The following SMAD5 variants were observed in gnomAD, a reference collection of about 807,000 sequenced individuals.
The protein encoded by SMAD5 is MAD, mothers against decapentaplegic homolog 5.
SMAD5 carries 9 observed loss-of-function variants against 43.1 expected under a neutral mutation model. The ratio of observed to expected loss-of-function variants is 0.21; its 90% confidence interval spans 0.13 to 0.36. The LOEUF (loss-of-function observed/expected upper bound fraction) is 0.36. Ranked by LOEUF, SMAD5 falls within the 10% of genes least tolerant of loss-of-function variation. The pLI is 1.00. For synonymous variants in SMAD5, 190 were observed against 192.4 expected, an observed-to-expected ratio of 0.99 and a Z score of 0.10; for missense variants, 348 against 574.0, an observed-to-expected ratio of 0.61 and a Z score of 4.02.
chr5:136,172,372 C>A, intron 5 of SMAD5, 62 bp from the exon 6 acceptor site: 3 of 979,930 alleles, frequency 3.1e-6, no homozygotes, highest in Admixed American at 2.5e-5. Context: ...AAAAGATAAA[C>A]ACATGGACAA....
At chr5:136,156,897 G>A (rs553625629) in intron 3 of SMAD5, among the ~76,000 whole-genome samples, 22 of 152,038 alleles carry the variant, frequency 1.4e-4, no homozygotes, top group Non-Finnish European at 1.8e-4. Flanking sequence ...CTCATGTTTC[G>A]CCCTGAGCCC....
intron 1 of SMAD5, among the ~76,000 whole-genome samples, chr5:136,143,439 A>C (rs1753156408): frequency 6.6e-6 from 1 of 151,058 alleles, no homozygotes; most frequent in South Asian, 2.1e-4. Context: ...CTTAGATAGA[A>C]CTCTACACGG....
intron 1 of SMAD5, among the ~76,000 whole-genome samples, chr5:136,147,061 A>T (rs1753281987): frequency 6.6e-6 from 1 of 151,702 alleles, no homozygotes; most frequent in Non-Finnish European, 1.5e-5. Flanking sequence ...AGGTGAGTAT[A>T]CTTAGGAAAA....
chr5:136,134,603 CTTTGGTAACT>C (rs980931446), intron 1 of SMAD5: 5 of 151,524 alleles, frequency 3.3e-5, no homozygotes, highest in African/African-American at 1.2e-4. Flanking sequence ...TCTTTTATTC[CTTTGGTAACT>C]ATTAATATTT....
intron 5 of SMAD5, among the ~76,000 whole-genome samples, chr5:136,171,311 G>GA (rs1386750633): frequency 6.6e-6 from 1 of 152,152 alleles, no homozygotes; most frequent in Non-Finnish European, 1.5e-5. Flanking sequence ...TCAGGTCTCT[G>GA]AAAAAGAATT....
At position 136,165,662 on chromosome 5, in the gene SMAD5, A is replaced by ATATTT. The variant is rs1561653930; in HGVS notation, c.775+2272_775+2273insATTTT. Among the ~76,000 whole-genome samples the ATATTT allele has an allele frequency of 1.8e-4, 12 of 65,450 alleles. 2 individuals are homozygous for ATATTT. The highest frequency in any genetic ancestry group is 4.4e-4 in the African/African-American group (8 of 18,342). The allele number at this position is 65,450 out of a possible 152,430, so 42.9% of individuals were successfully genotyped here. The stretch of plus-strand genomic sequence containing the variant: ...TACTTCATATAAATGGAATCATACA[A>ATATTT]TTTTTTTTTTTTTTTTTTTTTTTTT... On this transcript the variant is annotated intron_variant, in intron 5 of 7. Coordinates refer to ENST00000545279, the MANE Select transcript of SMAD5 (RefSeq NM_005903.7).
intron 1 of SMAD5, among the ~76,000 whole-genome samples, chr5:136,140,108 T>C (rs1035769787): frequency 6.6e-6 from 1 of 151,292 alleles, no homozygotes; most frequent in Non-Finnish European, 1.5e-5. Context: ...CTGCAACCTC[T>C]GCCTCCCGGG....
chr5:136,161,629 G>T (rs1029802092), intron 4 of SMAD5, among the ~76,000 whole-genome samples: 1 of 152,138 alleles, frequency 6.6e-6, no homozygotes, highest in African/African-American at 2.4e-5. Context: ...ATGAATCCTG[G>T]TTATCTTTAG....
chr5:136,161,564 A>G (rs1580786380), intron 4 of SMAD5, among the ~76,000 whole-genome samples: 1 of 152,222 alleles, frequency 6.6e-6, no homozygotes, highest in Admixed American at 6.5e-5. Context: ...AAAGTCTGTG[A>G]TCTTTCACCT....
chr5:136,153,295 G>C (rs1271621130), intron 2 of SMAD5, among the ~76,000 whole-genome samples: 6 of 152,036 alleles, frequency 3.9e-5, no homozygotes, highest in Non-Finnish European at 4.4e-5. Context: ...AGTGTTTTAG[G>C]GTTTAGTGGC....
intron 6 of SMAD5, among the ~76,000 whole-genome samples, chr5:136,173,117 C>G (rs375623921): frequency 6.6e-6 from 1 of 151,926 alleles, no homozygotes; most frequent in African/African-American, 2.4e-5. Flanking sequence ...GTGAGAGGAG[C>G]GGAATTAGAA....
chr5:136,137,707 G>C (rs1019295007), intron 1 of SMAD5, among the ~76,000 whole-genome samples: 1 of 152,100 alleles, frequency 6.6e-6, no homozygotes. Context: ...TTTCTTCTTA[G>C]TCACATCTTC....
At chr5:136,140,748 A>G (rs1753052557) in intron 1 of SMAD5, among the ~76,000 whole-genome samples, 1 of 150,872 alleles carries the variant, frequency 6.6e-6, no homozygotes, top group Non-Finnish European at 1.5e-5. Flanking sequence ...CTTTTCACCT[A>G]ACAAACATAT....
chr5:136,148,419 A>G lies in SMAD5; in HGVS notation c.-170+513A>G, dbSNP rs72794959. On this transcript the variant is annotated intron_variant, in intron 2 of 7. Transcript: ENST00000545279. ...AGATTCCCTGAGCTCAGTATTCCTC[A>G]TCCATGCATCAAGACTACAAAAAAG... Among the ~76,000 whole-genome samples, 558 of 151,910 alleles carry G rather than the reference A, an allele frequency of 3.7e-3. 2 individuals carry two copies. The highest frequency in any genetic ancestry group is 5.6e-3 in the Non-Finnish European group (377 of 67,758).
intron 1 of SMAD5, among the ~76,000 whole-genome samples, chr5:136,144,298 TG>T (rs1039608740): frequency 5.3e-5 from 8 of 152,068 alleles, no homozygotes; most frequent in African/African-American, 1.9e-4. Flanking sequence ...ATGGTTAGCC[TG>T]TTCTGAATTA....
intron 1 of SMAD5, among the ~76,000 whole-genome samples, chr5:136,142,686 A>G (rs1342365523): frequency 6.6e-6 from 1 of 152,158 alleles, no homozygotes; most frequent in Non-Finnish European, 1.5e-5. Flanking sequence ...AAGTCCCTCC[A>G]GTTTCTAGTG....
intron 2 of SMAD5, among the ~76,000 whole-genome samples, chr5:136,152,043 G>C (rs530751974): frequency 6.6e-5 from 10 of 152,088 alleles, no homozygotes; most frequent in Non-Finnish European, 1.5e-4. Flanking sequence ...GGCCAGTTTT[G>C]TTTGCCTAGG....
chr5:136,153,403 T>G (rs534207907), intron 2 of SMAD5, among the ~76,000 whole-genome samples, 189 bp from the exon 3 acceptor site: 1 of 152,296 alleles, frequency 6.6e-6, no homozygotes, highest in South Asian at 2.1e-4. Flanking sequence ...GCCAGTGTCT[T>G]ACTTGTTCAT....
intron 4 of SMAD5, among the ~76,000 whole-genome samples, chr5:136,162,943 T>C (rs1240050313): frequency 1.3e-5 from 2 of 152,348 alleles, no homozygotes; most frequent in East Asian, 3.9e-4. Flanking sequence ...CAGATTGATA[T>C]GTAATAGCTG....
Sources: allele counts gnomAD v4.1 joint callset (sites outside exome capture counted in the v4.1 genomes callset), GRCh38; gene constraint gnomAD v4.1.1; transcripts MANE v1.5; gene names NCBI Gene and HGNC (gene_info 2026-07-23, HGNC 2026-07-21).